Variants in ATP2C2 observed in about 807,000 individuals in gnomAD.
ATP2C2 encodes the protein ATPase secretory pathway Ca2+ transporting 2, also known as calcium-transporting ATPase type 2C member 2.
ATP2C2 carries 171 observed loss-of-function variants against 110.8 expected under a neutral mutation model. The ratio of observed to expected loss-of-function variants is 1.54; its 90% CI spans 1.36 to 1.75. The LOEUF (loss-of-function observed/expected upper bound fraction) is 1.75, where lower values mean the gene tolerates loss of function less well. Ranked by LOEUF, ATP2C2 falls within the 40% of genes most tolerant of loss-of-function variation. The probability of loss-of-function intolerance (pLI) is 0.00; values close to 1 mark genes in which losing one functional copy is unlikely to be tolerated. For missense variants in ATP2C2, 1,963 were observed against 1,235.0 expected (o/e 1.59, Z -8.84); for synonymous variants, 804 against 508.4 (o/e 1.58, Z -7.82).
chr16:84,442,687 A>G lies in ATP2C2; in HGVS notation c.1401+88A>G, dbSNP rs143865273. The G allele has an allele frequency of 7.4e-3, 9,517 of 1,290,958 alleles. 76 individuals are homozygous for G. The highest frequency in any genetic ancestry group is 0.02 in the South Asian group (1,682 of 84,064). The allele number at this position is 1,290,958 out of a possible 1,614,324, so 80.0% of individuals were successfully genotyped here. A position where few individuals can be genotyped will look rare whatever the true frequency, so the allele number is the denominator to read the frequency against. ...AAAGCCAGCTCCTGTCTGAGCTAAC[A>G]GGAGTGGGGACGTTAGGTAATCATG... is the stretch of plus-strand genomic sequence containing the variant. On this transcript the variant is annotated intron_variant, in intron 15 of 26. Transcript: ENST00000262429.
At chr16:84,385,676 A>T (rs935675724) in intron 1 of ATP2C2, among the ~76,000 whole-genome samples, 3 of 152,216 alleles carry the variant, frequency 2.0e-5, no homozygotes, top group Admixed American at 2.0e-4. Context: ...GCCTCAGGAA[A>T]CTTACAGTCA....
intron 26 of ATP2C2, chr16:84,462,404 G>C (rs1272143894): frequency 2.7e-6 from 1 of 370,376 alleles, no homozygotes; most frequent in African/African-American, 2.0e-5. Context: ...CGTCGGGCTG[G>C]AGGCTCAGAG....
At chr16:84,441,919 T>C (rs563480889) in intron 14 of ATP2C2, among the ~76,000 whole-genome samples, 1 of 151,118 alleles carries the variant, frequency 6.6e-6, no homozygotes, top group East Asian at 2.0e-4. Flanking sequence ...TGAGACTCCA[T>C]CTCGAATGAA....
At chr16:84,410,523 C>T (rs1906178664) in intron 4 of ATP2C2, 45 bp from the exon 5 acceptor site, 4 of 1,603,832 alleles carry the variant, frequency 2.5e-6, no homozygotes, top group Non-Finnish European at 1.7e-6. Flanking sequence ...GTCCCCCCTC[C>T]CACTGAGCCT....
chr16:84,460,530 T>A (rs771299675), intron 23 of ATP2C2, 124 bp from the exon 24 acceptor site: 5 of 1,392,028 alleles, frequency 3.6e-6, no homozygotes, highest in Admixed American at 1.7e-5. Flanking sequence ...CTGGGGGCGT[T>A]CAGCAAATGC....
intron 3 of ATP2C2, among the ~76,000 whole-genome samples, chr16:84,405,580 C>T (rs1029821346): frequency 2.0e-5 from 3 of 152,166 alleles, no homozygotes; most frequent in Non-Finnish European, 4.4e-5. Context: ...AAGATTTCCC[C>T]AGAGTTGCCA....
chr16:84,398,785 C>G (rs1305530395), intron 2 of ATP2C2, among the ~76,000 whole-genome samples, 176 bp downstream of exon 2: 1 of 152,214 alleles, frequency 6.6e-6, no homozygotes, highest in Non-Finnish European at 1.5e-5. Flanking sequence ...AATATCAGTA[C>G]TTGTCAGTAG....
chr16:84,416,096 C>T (rs1204672818), intron 7 of ATP2C2, among the ~76,000 whole-genome samples: 1 of 152,198 alleles, frequency 6.6e-6, no homozygotes, highest in Non-Finnish European at 1.5e-5. Context: ...ATCACTTGAA[C>T]CCGGGAGGCG....
rs376102527 is a variant in ATP2C2, at chr16:84,454,962, G to C, written c.2125G>C (p.Asp709His). 5.0e-6 allele frequency: 8 copies of C among 1,613,738 alleles called. No individual in the cohort carries two copies. Among genetic ancestry groups the C allele is most frequent in the East Asian group, 4.5e-5 (2 of 44,838 alleles). Residue 709 changes from aspartate to histidine, a missense_variant, in exon 21 of 27, where the codon GAT (aspartate) becomes CAT (histidine). Coordinates refer to ENST00000262429, the MANE Select transcript of ATP2C2 (RefSeq NM_014861.4). ...SKEAANMILVDDDFSAIMNAV... is the reference protein window; with the variant it reads ...SKEAANMILVHDDFSAIMNAV... Reference sequence around the variant, plus strand: ...AGAGGCCGCCAACATGATCCTGGTGGATGATGACTTCTCAGCCATCATGTA... The same window carrying C: ...AGAGGCCGCCAACATGATCCTGGTGCATGATGACTTCTCAGCCATCATGTA...
intron 10 of ATP2C2, among the ~76,000 whole-genome samples, chr16:84,424,599 T>TTTTTTTTTTTTTA (rs376880864): frequency 2.3e-5 from 3 of 131,320 alleles, no homozygotes; most frequent in African/African-American, 8.8e-5. Context: ...TTTTTTTTTT[T>TTTTTTTTTTTTTA]AACATTTTGG....
intron 2 of ATP2C2, among the ~76,000 whole-genome samples, chr16:84,400,322 G>GTTTTTTTTTTTT (rs1249570974): frequency 7.5e-6 from 1 of 133,428 alleles, no homozygotes; most frequent in Admixed American, 7.1e-5. Context: ...TGTATTTTTA[G>GTTTTTTTTTTTT]TTTTTTGTTG....
At chr16:84,446,057 G>A (rs550924004) in intron 15 of ATP2C2, among the ~76,000 whole-genome samples, 4 of 152,074 alleles carry the variant, frequency 2.6e-5, no homozygotes, top group Non-Finnish European at 5.9e-5. Flanking sequence ...CATTCCTCCC[G>A]GCAGAAACAC....
At chr16:84,376,005 A>AT (rs1261681468) in intron 1 of ATP2C2, among the ~76,000 whole-genome samples, 4 of 151,996 alleles carry the variant, frequency 2.6e-5, no homozygotes, top group Non-Finnish European at 5.9e-5. Flanking sequence ...TGTAAACAGC[A>AT]TTATTAGGCA....
chr16:84,424,576 C>CTTTTTTTTTTTT lies in ATP2C2; in HGVS notation c.920-1147_920-1136dup, dbSNP rs371614449. The stretch of plus-strand genomic sequence containing the variant: ...TACAGGCATGAGCCACCGCACTGGG[C>CTTTTTTTTTTTT]TTTTTTTTTTTTTTTTTTTTTTTAA... On this transcript the variant is annotated intron_variant, in intron 10 of 26. Coordinates refer to ENST00000262429, the MANE Select transcript of ATP2C2 (RefSeq NM_014861.4). 1.5e-3 allele frequency among the ~76,000 whole-genome samples: 177 copies of CTTTTTTTTTTTT among 114,812 alleles called. 12 individuals carry two copies. The highest frequency in any genetic ancestry group is 6.7e-3 in the African/African-American group (167 of 24,826). The allele number at this position is 114,812 out of a possible 152,430, so 75.3% of individuals were successfully genotyped here. A position where few individuals can be genotyped will look rare whatever the true frequency, so the allele number is the denominator to read the frequency against.
intron 11 of ATP2C2, among the ~76,000 whole-genome samples, chr16:84,430,639 CAAAAA>C (rs566290549): frequency 5.7e-5 from 7 of 123,580 alleles, no homozygotes; most frequent in Admixed American, 1.7e-4. Flanking sequence ...GACACCATCT[CAAAAA>C]AAAAAAAAAA....
At chr16:84,415,754 C>T (rs1906779625) in intron 7 of ATP2C2, among the ~76,000 whole-genome samples, 163 bp downstream of exon 7, 1 of 152,222 alleles carries the variant, frequency 6.6e-6, no homozygotes, top group Non-Finnish European at 1.5e-5. Context: ...CAAGCGTGTT[C>T]TACGCATAGA....
chr16:84,397,673 A>AAAAAAAAAAAAG (rs1905079752), intron 1 of ATP2C2, among the ~76,000 whole-genome samples: 8 of 140,402 alleles, frequency 5.7e-5, no homozygotes, highest in African/African-American at 1.9e-4. Context: ...AAAAAAAAAA[A>AAAAAAAAAAAAG]CTTGCTTAAA....
chr16:84,399,206 A>G (rs1905172891), intron 2 of ATP2C2, among the ~76,000 whole-genome samples: 1 of 152,256 alleles, frequency 6.6e-6, no homozygotes, highest in Non-Finnish European at 1.5e-5. Flanking sequence ...AAGCAAATAA[A>G]AAGCCCCCAG....
chr16:84,448,019 C>T (rs1237353330), intron 16 of ATP2C2, among the ~76,000 whole-genome samples: 1 of 151,922 alleles, frequency 6.6e-6, no homozygotes, highest in Non-Finnish European at 1.5e-5. Flanking sequence ...GGCCTCCCCC[C>T]GTGGAGTTCA....
Sources: gnomAD v4.1 joint callset for allele counts (sites outside exome capture counted in the v4.1 genomes callset) on GRCh38, gnomAD v4.1.1 for gene constraint, MANE v1.5 for transcripts, NCBI Gene and HGNC (gene_info 2026-07-23, HGNC 2026-07-21) for gene names.